The following FAT2 variants were observed in gnomAD, a reference collection of about 807,000 sequenced individuals.
FAT2 encodes FAT atypical cadherin 2.
Under a neutral mutation model 295.3 loss-of-function variants are expected in FAT2, and 150 were observed. That is an observed-to-expected ratio of 0.51 (90% CI 0.44 to 0.58). The LOEUF (loss-of-function observed/expected upper bound fraction) is 0.58, where lower values mean the gene tolerates loss of function less well. Ranked by LOEUF, FAT2 falls within the 20% of genes least tolerant of loss-of-function variation. The pLI is 0.00. For missense variants in FAT2, 4,868 were observed against 5,442.7 expected, an observed-to-expected ratio of 0.89 and a Z score of 3.32; for synonymous variants, 2,026 against 2,150.3, an observed-to-expected ratio of 0.94 and a Z score of 1.60.
intron 1 of FAT2, among the ~76,000 whole-genome samples, chr5:151,569,340 CGCG>C: frequency 6.6e-6 from 1 of 152,274 alleles, no homozygotes; most frequent in East Asian, 1.9e-4. Context: ...CAGGCAAGAG[CGCG>C]TAGGCAGGGG....
chr5:151,565,656 T>G lies in FAT2; in HGVS notation c.3259+17A>C. Reference sequence around the variant, plus strand: ...TACCTCTGGCCCTGGCACCCCACCCTACCCCACCCCCAGTACCTGTATCTT... The same window carrying G: ...TACCTCTGGCCCTGGCACCCCACCCGACCCCACCCCCAGTACCTGTATCTT... On this transcript the variant is annotated intron_variant, in intron 2 of 23. Transcript: ENST00000261800. 7.6e-6 allele frequency: 5 copies of G among 655,276 alleles called. No individual in the cohort carries two copies. Among genetic ancestry groups the G allele is most frequent in the Non-Finnish European group, 1.2e-5 (5 of 411,136 alleles). The allele number at this position is 655,276 out of a possible 1,614,324, so 40.6% of individuals were successfully genotyped here.
Position 151,543,918 on chromosome 5 carries a change from A to T in FAT2, c.7209T>A (p.Ala2403=). The T allele has an allele frequency of 6.2e-7, 1 of 1,614,178 alleles. No individual in the cohort carries two copies. Among genetic ancestry groups the T allele is most frequent in the Non-Finnish European group, 8.5e-7 (1 of 1,180,034 alleles). ...AGGTGTCTCTGCTGTCAGGGTCAAT[A>T]GCCTGGACTTTAAGAACCAGGTGTC... ...TCGHLVLKVQ[A]IDPDSRDTSR... The change falls in exon 10 of 24, where the codon GCT becomes GCA. Residue 2403 remains alanine, a synonymous_variant. Transcript: ENST00000261800.
At position 151,567,511 on chromosome 5, in the gene FAT2, C is replaced by T; in HGVS notation, c.1421G>A (p.Gly474Asp). The T allele has an allele frequency of 2.5e-6, 4 of 1,614,098 alleles. No homozygotes were observed. The highest frequency in any genetic ancestry group is 2.2e-5 in the East Asian group (1 of 44,884). Residue 474 changes from glycine to aspartate, a missense_variant, in exon 2 of 24, where the codon GGC becomes GAC. Physicochemically the swap from Gly to Asp is moderately conservative, Grantham distance 94. Coordinates refer to ENST00000261800, the MANE Select transcript of FAT2 (RefSeq NM_001447.3). ...GGCAGTCACAGCCAAAACACTGGTG[C>T]CTGGAGGGATGTTCTCATCCAAGGT... ...DGTLDENIPP[G>D]TSVLAVTATD...
intron 22 of FAT2, among the ~76,000 whole-genome samples, chr5:151,509,214 C>T (rs190424086): frequency 6.6e-6 from 1 of 152,210 alleles, no homozygotes; most frequent in East Asian, 1.9e-4. Flanking sequence ...TTTCAGACTG[C>T]AGCAAGGACC....
intron 13 of FAT2, among the ~76,000 whole-genome samples, chr5:151,533,392 C>G (rs897670911): frequency 2.6e-5 from 3 of 116,500 alleles, no homozygotes; most frequent in Non-Finnish European, 3.4e-5. Context: ...TTGTTATCTC[C>G]AACACACACA....
In FAT2 at chr5:151,567,331, C is replaced by G. The variant is rs1236630749; in HGVS notation, c.1601G>C (p.Arg534Thr). Residue 534 changes from arginine to threonine, a missense_variant, in exon 2 of 24, where the codon AGA becomes ACA. Transcript: ENST00000261800. ...AAAAGGGGATCCCCAGTCTGATGCTCTTACCCGGAAGGTATAAATTCTTTT... is the reference window on the plus strand; with the variant it reads ...AAAAGGGGATCCCCAGTCTGATGCTGTTACCCGGAAGGTATAAATTCTTTT... The part of the protein sequence containing the change: ...LMKRIYTFRV[R>T]ASDWGSPFRR... 2 of 1,614,206 alleles carry G rather than the reference C, an allele frequency of 1.2e-6. No homozygotes were observed. Among genetic ancestry groups the G allele is most frequent in the Admixed American group, 1.7e-5 (1 of 60,030 alleles).
rs2127579134 is a variant in FAT2, at chr5:151,521,271, C to T, written c.11317+5G>A. 6.2e-7 allele frequency: 1 copy of T among 1,600,580 alleles called. No individual in the cohort carries two copies. The highest frequency in any genetic ancestry group is 8.5e-7 in the Non-Finnish European group (1 of 1,171,842). ...GCTCGTCCCTAGGGAAGATGTAGTA[C>T]TTACCATTGCAGGAGCAGCTCCTCT... On this transcript the variant is annotated splice_donor_5th_base_variant and intron_variant, in intron 19 of 23. Coordinates refer to ENST00000261800, the MANE Select transcript of FAT2 (RefSeq NM_001447.3).
intron 11 of FAT2, among the ~76,000 whole-genome samples, chr5:151,539,460 T>C (rs1755876120): frequency 6.6e-6 from 1 of 152,236 alleles, no homozygotes; most frequent in Non-Finnish European, 1.5e-5. Flanking sequence ...TGGTTGATTG[T>C]GCTAGGTATA....
At chr5:151,554,738 A>AGCCCTACC in intron 4 of FAT2, 65 bp from the exon 5 acceptor site, 1 of 1,253,792 alleles carries the variant, frequency 8.0e-7, no homozygotes, top group African/African-American at 1.5e-5. Context: ...ATGCTTTAAC[A>AGCCCTACC]ACCTGGAAAT....
intron 18 of FAT2, 142 bp from the exon 19 acceptor site, chr5:151,522,228 A>G (rs1039359429): frequency 2.5e-5 from 13 of 511,224 alleles, no homozygotes; most frequent in Non-Finnish European, 3.8e-5. Flanking sequence ...TTGCATTTAG[A>G]AAAAAAAAAC....
At chr5:151,536,809 C>A (rs1755356971) in intron 12 of FAT2, among the ~76,000 whole-genome samples, 1 of 152,216 alleles carries the variant, frequency 6.6e-6, no homozygotes, top group Non-Finnish European at 1.5e-5. Context: ...GGCCATGACA[C>A]TCACCTGCCT....
At chr5:151,551,400 C>A (rs773747999) in intron 7 of FAT2, 67 bp downstream of exon 7, 18 of 1,564,072 alleles carry the variant, frequency 1.2e-5, no homozygotes, top group Admixed American at 1.8e-5. Flanking sequence ...ACCTCTGTAG[C>A]CTCATCCCAA....
rs1022132958 is a variant in FAT2, at chr5:151,505,753, G to T, written c.12862C>A (p.Pro4288Thr). 1.1e-5 allele frequency: 17 copies of T among 1,613,642 alleles called. No homozygotes were observed. Among genetic ancestry groups the T allele is most frequent in the South Asian group, 7.7e-5 (7 of 91,066 alleles). The change falls in exon 24 of 24, where the codon CCC becomes ACC. Residue 4288 changes from proline to threonine, a missense_variant. Transcript: ENST00000261800. ...TTGTAGCCCCCGTCTGCCAGGCAGG[G>T]CCCTCCCCCTCCCTGCCGGAACTGC... ...HSQFRQGGGG[P>T]CLADGGYKGV...
At chr5:151,592,413 C>A (rs1759449133), upstream of FAT2, among the ~76,000 whole-genome samples, 1 of 152,136 alleles carries the variant, frequency 6.6e-6, no homozygotes, top group African/African-American at 2.4e-5. Flanking sequence ...ACTCTGCAAC[C>A]ATTCTGTCCA....
At position 151,578,064 on chromosome 5, in the gene FAT2, T is replaced by C. The variant is rs1758811172; in HGVS notation, c.-20-9113A>G. Among the ~76,000 whole-genome samples, 3 of 149,332 alleles carry C rather than the reference T, an allele frequency of 2.0e-5. No individual in the cohort carries two copies. The South Asian group carries it at 6.4e-4, about 32-fold the overall frequency. The stretch of plus-strand genomic sequence containing the variant: ...CAAAGCCAACTCCAGCTTAGCAGAA[T>C]ACTGCCTGGTATTTATTCATTAGAA... On this transcript the variant is annotated intron_variant, in intron 1 of 23. Coordinates refer to ENST00000261800, the MANE Select transcript of FAT2 (RefSeq NM_001447.3).
chr5:151,568,557 G>A lies in FAT2; in HGVS notation c.375C>T (p.Thr125=), dbSNP rs368677085. ...YTLIIQATEK[T]LELEALTRVV... ...CACGGGTCAAAGCTTCCAACTCCAAGGTCTTCTCTGTGGCTTGGATGATGA... is the reference window on the plus strand; with the variant it reads ...CACGGGTCAAAGCTTCCAACTCCAAAGTCTTCTCTGTGGCTTGGATGATGA... Residue 125 remains threonine, a synonymous_variant, in exon 2 of 24, where the codon ACC becomes ACT. Coordinates refer to ENST00000261800, the MANE Select transcript of FAT2 (RefSeq NM_001447.3). 6.2e-7 allele frequency: 1 copy of A among 1,614,162 alleles called. No homozygotes were observed. Among genetic ancestry groups the A allele is most frequent in the African/African-American group, 1.3e-5 (1 of 75,020 alleles).
upstream of FAT2, among the ~76,000 whole-genome samples, chr5:151,591,562 G>C (rs993485130): frequency 2.0e-5 from 3 of 152,180 alleles, no homozygotes; most frequent in Non-Finnish European, 2.9e-5. Context: ...CCCTGGACAG[G>C]TAGTGTTGCC....
rs371080518 is a variant in FAT2 at position 151,545,677 on chromosome 5, G to A, written c.5450C>T (p.Pro1817Leu). The A allele has an allele frequency of 1.0e-4, 168 of 1,613,960 alleles. No homozygotes were observed. The highest frequency in any genetic ancestry group is 1.3e-4 in the Non-Finnish European group (158 of 1,180,034). ...TACAATGGTTAGGGTTCCCATGCTG[G>A]GATCAATTTTGAAAAACTTCAAGGC... The part of the protein sequence containing the change: ...PEALKFFKID[P>L]SMGTLTIVSE... Residue 1817 changes from proline to leucine, a missense_variant, in exon 10 of 24, where the codon CCC becomes CTC. Pro to Leu is a moderately conservative substitution (Grantham distance 98, BLOSUM62 -3). Around this residue, in one of 5 missense-constraint regions of FAT2, gnomAD observed 3,297 missense variants for 3,669.4 expected, o/e 0.90. Coordinates refer to ENST00000261800, the MANE Select transcript of FAT2 (RefSeq NM_001447.3).
At position 151,567,321 on chromosome 5, in the gene FAT2, G is replaced by T. The variant is rs1307198997; in HGVS notation, c.1611C>A (p.Asp537Glu). 1.2e-6 allele frequency: 2 copies of T among 1,614,182 alleles called. No homozygotes were observed. Among genetic ancestry groups the T allele is most frequent in the Non-Finnish European group, 1.7e-6 (2 of 1,180,036 alleles). The change falls in exon 2 of 24, where the codon GAC becomes GAA. Residue 537 changes from aspartate (D) to glutamate (E), a missense_variant. Coordinates refer to ENST00000261800, the MANE Select transcript of FAT2 (RefSeq NM_001447.3). ...TCTCCCGGCGAAAAGGGGATCCCCA[G>T]TCTGATGCTCTTACCCGGAAGGTAT... Reference protein sequence around the residue: ...RIYTFRVRASDWGSPFRREKE... With the variant: ...RIYTFRVRASEWGSPFRREKE...
Sources: allele counts gnomAD v4.1 joint callset (sites outside exome capture counted in the v4.1 genomes callset), GRCh38; gene constraint gnomAD v4.1.1; regional missense constraint gnomAD v4.1.1; transcripts MANE v1.5; gene names NCBI Gene and HGNC (gene_info 2026-07-23, HGNC 2026-07-21).